MBP: variants seen among roughly 807,000 people sequenced by gnomAD.
The protein encoded by MBP is Golli-MBP.
Under a neutral mutation model 35.8 loss-of-function variants are expected in MBP, and 16 were observed. The observed-to-expected ratio is 0.45, with a 90% confidence interval of 0.30 to 0.68. The LOEUF (loss-of-function observed/expected upper bound fraction) is 0.68. Among genes scored for constraint, MBP ranks in the 30% least tolerant of loss-of-function variants. The pLI is 0.08. For synonymous variants in MBP, 143 were observed against 159.6 expected (o/e 0.90, Z 0.78); for missense variants, 380 against 404.7 (o/e 0.94, Z 0.52).
intron 4 of MBP, among the ~76,000 whole-genome samples, chr18:77,008,459 C>T (rs1020617308): frequency 2.0e-5 from 3 of 152,212 alleles, no homozygotes; most frequent in Non-Finnish European, 4.4e-5. Context: ...AACCAGGACA[C>T]GATTCAAGTT....
At chr18:77,011,313 G>C (rs1371899522) in intron 4 of MBP, among the ~76,000 whole-genome samples, 1 of 152,220 alleles carries the variant, frequency 6.6e-6, no homozygotes, top group African/African-American at 2.4e-5. Context: ...CTCATAAGCA[G>C]TGACTCCCAT....
chr18:77,022,378 G>C (rs1972024569), intron 3 of MBP, among the ~76,000 whole-genome samples: 1 of 152,222 alleles, frequency 6.6e-6, no homozygotes, highest in Non-Finnish European at 1.5e-5. Flanking sequence ...GCAGGACCAG[G>C]TGGGGCGGGA....
At chr18:77,015,593 C>T (rs551874335) in intron 4 of MBP, 18 of 985,308 alleles carry the variant, frequency 1.8e-5, no homozygotes, top group South Asian at 1.4e-4. Flanking sequence ...AAATAAGTCA[C>T]GGCAAGTGTC....
chr18:76,985,100 C>G, intron 7 of MBP: 1 of 1,525,412 alleles, frequency 6.6e-7, no homozygotes, highest in Non-Finnish European at 8.8e-7. Context: ...GTGTTGGCCG[C>G]AGAGAGAGGA....
At position 77,101,444 on chromosome 18, in the gene MBP, G is replaced by A. The variant is rs1976003951; in HGVS notation, c.51+3767C>T. 6.6e-6 allele frequency among the ~76,000 whole-genome samples: 1 copy of A among 152,210 alleles called. No homozygotes were observed. Among genetic ancestry groups the A allele is most frequent in the African/African-American group, 2.4e-5 (1 of 41,466 alleles). On this transcript the variant is annotated intron_variant, in intron 2 of 8. Transcript: ENST00000355994. The surrounding 1 kb of genome is among the most constrained non-coding windows in gnomAD (Gnocchi z 4.3). ...AGAAGGAGCGCTGTGCCCTGAACCT[G>A]CGCCTGCCTGGAGGAAGTTACACTC...
Position 77,001,024 on chromosome 18 carries a change from G to A in MBP, c.577-10964C>T, listed in dbSNP as rs546350627. 3.9e-5 allele frequency among the ~76,000 whole-genome samples: 6 copies of A among 152,378 alleles called. 1 individual carries two copies. In the South Asian group the frequency reaches 1.2e-3, roughly 32 times the overall value. On this transcript the variant is annotated intron_variant, in intron 4 of 8. Coordinates refer to ENST00000355994, the MANE Select transcript of MBP (RefSeq NM_001025101.2). ...CAAGCTCTTAGTTCTTTGTCTGAGA[G>A]AGGAATTTAATTGCTTCCCTGAATC...
chr18:76,985,341 C>A (rs1969486413), intron 7 of MBP: 2 of 1,284,508 alleles, frequency 1.6e-6, no homozygotes, highest in African/African-American at 1.5e-5. Flanking sequence ...CCCGGAGGCC[C>A]CGGCCTGCGC....
chr18:77,044,672 G>A lies in MBP; in HGVS notation c.139+21626C>T, dbSNP rs570607421. On this transcript the variant is annotated intron_variant, in intron 3 of 8. Transcript: ENST00000355994. The surrounding 1 kb of genome is among the most constrained non-coding windows in gnomAD (Gnocchi z 4.4). Reference sequence around the variant, plus strand: ...GCCCCTCACACACACGAGGGGCCCCGGAATCACCTGCCACGTGAATAAACA... The same window carrying A: ...GCCCCTCACACACACGAGGGGCCCCAGAATCACCTGCCACGTGAATAAACA... Among the ~76,000 whole-genome samples the A allele has an allele frequency of 5.9e-5, 9 of 152,242 alleles. No homozygotes were observed. The highest frequency in any genetic ancestry group is 1.9e-4 in the East Asian group (1 of 5,174).
chr18:77,022,655 A>G (rs1972038993), intron 3 of MBP, among the ~76,000 whole-genome samples: 1 of 152,234 alleles, frequency 6.6e-6, no homozygotes, highest in African/African-American at 2.4e-5. Context: ...ATGTGAAAGG[A>G]AAACAATAGC....
At position 76,980,049 on chromosome 18, in the gene MBP, G is replaced by A. The variant is rs1969090900; in HGVS notation, c.*378C>T. ...TCTGCAGCTGTGTGCCTCCATGGCA[G>A]TGACCAGCAAAAGCGCAAGGGTGCC... On this transcript the variant is annotated 3_prime_UTR_variant, in exon 9 of 9. Coordinates refer to ENST00000355994, the MANE Select transcript of MBP (RefSeq NM_001025101.2). 2 of 702,250 alleles carry A rather than the reference G, an allele frequency of 2.8e-6. No individual in the cohort carries two copies. The highest frequency in any genetic ancestry group is 5.2e-6 in the Non-Finnish European group (2 of 384,936). The allele number at this position is 702,250 out of a possible 1,614,324, so 43.5% of individuals were successfully genotyped here. A position where few individuals can be genotyped will look rare whatever the true frequency, so the allele number is the denominator to read the frequency against.
intron 1 of MBP, among the ~76,000 whole-genome samples, chr18:77,117,548 G>A (rs1976707318): frequency 6.6e-6 from 1 of 152,080 alleles, no homozygotes; most frequent in African/African-American, 2.4e-5. Flanking sequence ...CACGTTGGCA[G>A]AACACATTCA....
At chr18:77,096,547 G>C (rs1975765372) in intron 2 of MBP, among the ~76,000 whole-genome samples, 2 of 152,108 alleles carry the variant, frequency 1.3e-5, no homozygotes, top group South Asian at 4.1e-4. Flanking sequence ...GATTTTACAG[G>C]CTCTCAGATC....
intron 4 of MBP, chr18:77,004,285 C>T (rs549993665): frequency 4.6e-5 from 7 of 150,720 alleles, no homozygotes; most frequent in Non-Finnish European, 8.9e-5. Flanking sequence ...TGTCCCCCCC[C>T]ACTCCCCGCC....
chr18:77,097,735 C>T (rs549822280), intron 2 of MBP, among the ~76,000 whole-genome samples: 27 of 152,262 alleles, frequency 1.8e-4, no homozygotes, highest in African/African-American at 6.0e-4. Context: ...TCCCAGCAAT[C>T]GCTCTGCGAG....
intron 1 of MBP, among the ~76,000 whole-genome samples, chr18:77,106,446 C>G (rs893153444): frequency 6.6e-6 from 1 of 152,150 alleles, no homozygotes; most frequent in Non-Finnish European, 1.5e-5. Context: ...GAAGCAAACG[C>G]CTACAGCACA....
chr18:77,018,755 T>C (rs904858590), intron 3 of MBP, among the ~76,000 whole-genome samples: 1 of 125,010 alleles, frequency 8.0e-6, no homozygotes, highest in Non-Finnish European at 1.7e-5. Context: ...CACTCATCCA[T>C]CCATCCATCC....
At chr18:77,040,336 G>A (rs918130066) in intron 3 of MBP, among the ~76,000 whole-genome samples, 4 of 152,254 alleles carry the variant, frequency 2.6e-5, no homozygotes, top group Admixed American at 6.5e-5. Flanking sequence ...AATCAATATC[G>A]TGAAAATGGC....
At chr18:77,105,031 A>G (rs1036054123) in intron 2 of MBP, among the ~76,000 whole-genome samples, 180 bp downstream of exon 2, 2 of 132,828 alleles carry the variant, frequency 1.5e-5, no homozygotes, top group Non-Finnish European at 3.2e-5. Flanking sequence ...ATAATTAATA[A>G]TCAATCGTAA....
intron 4 of MBP, among the ~76,000 whole-genome samples, chr18:76,992,024 G>A (rs470443): frequency 0.35 from 52,857 of 152,014 alleles, 10,296 homozygotes; most frequent in African/African-American, 0.54. Context: ...GCCCAGCACC[G>A]ACATTGTTCA....
Sources: allele counts gnomAD v4.1 joint callset (sites outside exome capture counted in the v4.1 genomes callset), GRCh38; gene constraint gnomAD v4.1.1; non-coding constraint Gnocchi (gnomAD v3.1); transcripts MANE v1.5; gene names NCBI Gene and HGNC (gene_info 2026-07-23, HGNC 2026-07-21).